Variants in LUZP2 observed in about 807,000 individuals in gnomAD.
LUZP2 encodes the protein leucine zipper protein 2.
A neutral mutation model predicts 51.6 loss-of-function variants in LUZP2; 52 were observed. The observed-to-expected ratio is 1.01, with a 90% CI of 0.81 to 1.27. The LOEUF is 1.27. Among genes scored for constraint, LUZP2 ranks in the 50% most tolerant of loss-of-function variants. LUZP2 has a pLI of 0.00. For synonymous variants in LUZP2, 154 were observed against 137.3 expected (o/e 1.12, Z -0.85); for missense variants, 436 against 395.4 (o/e 1.10, Z -0.87).
intron 4 of LUZP2, among the ~76,000 whole-genome samples, chr11:24,742,733 G>A (rs371047907): frequency 2.8e-4 from 42 of 151,792 alleles, no homozygotes; most frequent in South Asian, 4.2e-4. Context: ...TTTTTATTGC[G>A]TTTGCTTTTG....
In LUZP2 at chr11:24,694,074, A is replaced by G. The variant is rs114274507; in HGVS notation, c.63-35095A>G. Among the ~76,000 whole-genome samples the G allele has an allele frequency of 7.3e-3, 1,105 of 152,164 alleles. 16 individuals are homozygous for G. Among genetic ancestry groups the G allele is most frequent in the African/African-American group, 0.025 (1,059 of 41,550 alleles). Reference sequence around the variant, plus strand: ...GTGGCCATAAAATAAGGAAATCTCAATTATTTCTGTTTCTTTTCAAAACTT... The same window carrying G: ...GTGGCCATAAAATAAGGAAATCTCAGTTATTTCTGTTTCTTTTCAAAACTT... On this transcript the variant is annotated intron_variant, in intron 1 of 11. Coordinates refer to ENST00000336930, the MANE Select transcript of LUZP2 (RefSeq NM_001009909.4).
At chr11:24,837,616 C>A (rs1170650108) in intron 5 of LUZP2, among the ~76,000 whole-genome samples, 1 of 151,624 alleles carries the variant, frequency 6.6e-6, no homozygotes, top group Non-Finnish European at 1.5e-5. Context: ...TGGTTTCTTT[C>A]ACATTGGATA....
chr11:24,786,394 G>A, intron 5 of LUZP2: 1 of 981,978 alleles, frequency 1.0e-6, no homozygotes, highest in Non-Finnish European at 1.2e-6. Flanking sequence ...AATATGGGAT[G>A]TTTTTCTTTC....
chr11:24,698,521 T>C (rs754599479), intron 1 of LUZP2, among the ~76,000 whole-genome samples: 3 of 152,206 alleles, frequency 2.0e-5, no homozygotes, highest in Non-Finnish European at 4.4e-5. Flanking sequence ...TTGATCTCTC[T>C]TGTTTAAAAT....
intron 1 of LUZP2, among the ~76,000 whole-genome samples, chr11:24,551,744 A>G (rs1851730617): frequency 6.6e-6 from 1 of 152,090 alleles, no homozygotes; most frequent in African/African-American, 2.4e-5. Context: ...GGTATGGAAG[A>G]ATAAAGTAGG....
chr11:24,894,536 A>T (rs896572663), intron 5 of LUZP2, among the ~76,000 whole-genome samples: 12 of 150,948 alleles, frequency 7.9e-5, no homozygotes, highest in Non-Finnish European at 1.6e-4. Flanking sequence ...GTATGGGTAT[A>T]TTGTGTGATG....
chr11:24,593,640 C>T (rs1275694957), intron 1 of LUZP2, among the ~76,000 whole-genome samples: 2 of 152,166 alleles, frequency 1.3e-5, no homozygotes, highest in Non-Finnish European at 2.9e-5. Flanking sequence ...TTTAGTCACC[C>T]ACTGCAGCTT....
At chr11:24,785,200 CT>C (rs1849209085) in intron 5 of LUZP2, among the ~76,000 whole-genome samples, 2 of 152,052 alleles carry the variant, frequency 1.3e-5, no homozygotes, top group African/African-American at 4.8e-5. Flanking sequence ...GTACACATAT[CT>C]ATATTGTGGC....
At chr11:24,538,672 A>G (rs1035045229) in intron 1 of LUZP2, among the ~76,000 whole-genome samples, 4 of 150,962 alleles carry the variant, frequency 2.6e-5, no homozygotes, top group Non-Finnish European at 4.4e-5. Flanking sequence ...GTGTGTGTAT[A>G]TATATATATA....
At chr11:24,636,312 A>G (rs971851940) in intron 1 of LUZP2, among the ~76,000 whole-genome samples, 2 of 152,144 alleles carry the variant, frequency 1.3e-5, no homozygotes, top group African/African-American at 4.8e-5. Flanking sequence ...AACATTCCCT[A>G]TTCAAAACAA....
chr11:24,718,505 C>T (rs536421096), intron 1 of LUZP2, among the ~76,000 whole-genome samples: 1 of 152,236 alleles, frequency 6.6e-6, no homozygotes, highest in East Asian at 1.9e-4. Context: ...TTATCTAGCT[C>T]GTATGGCAAG....
intron 9 of LUZP2, among the ~76,000 whole-genome samples, chr11:25,048,453 G>A (rs1858388666): frequency 6.6e-6 from 1 of 152,126 alleles, no homozygotes; most frequent in Non-Finnish European, 1.5e-5. Context: ...AGTTACTTAT[G>A]TGAATAACAA....
intron 9 of LUZP2, among the ~76,000 whole-genome samples, chr11:25,015,538 T>A (rs1195866487): frequency 6.6e-6 from 1 of 152,176 alleles, no homozygotes; most frequent in Non-Finnish European, 1.5e-5. Context: ...TTGTTTTTCA[T>A]GGCCTGATAC....
chr11:25,063,498 C>T (rs576543905), intron 10 of LUZP2, among the ~76,000 whole-genome samples: 12 of 151,912 alleles, frequency 7.9e-5, no homozygotes, highest in Admixed American at 7.2e-4. Context: ...TCTGCTTCAG[C>T]ATGTTATAGC....
chr11:24,613,768 A>G (rs1045955258), intron 1 of LUZP2, among the ~76,000 whole-genome samples: 2 of 150,500 alleles, frequency 1.3e-5, no homozygotes, highest in African/African-American at 4.9e-5. Context: ...AGACATTAAA[A>G]GAGGATAATG....
At chr11:24,746,887 A>G (rs76383013) in intron 4 of LUZP2, among the ~76,000 whole-genome samples, 4 of 152,096 alleles carry the variant, frequency 2.6e-5, no homozygotes, top group African/African-American at 9.7e-5. Flanking sequence ...AGTATGTCCA[A>G]TGTTTCCTGA....
Position 24,780,448 on chromosome 11 carries a change from A to G in LUZP2, c.396+17140A>G, listed in dbSNP as rs1033314623. On this transcript the variant is annotated intron_variant, in intron 5 of 11. Coordinates refer to ENST00000336930, the MANE Select transcript of LUZP2 (RefSeq NM_001009909.4). ...TGTGGAAAAGACCTCTTAAACATGT[A>G]ATAAACTTATATGATAGTTGTATAA... Among the ~76,000 whole-genome samples, 28 of 152,272 alleles carry G rather than the reference A, an allele frequency of 1.8e-4. 1 individual carries two copies. The highest frequency in any genetic ancestry group is 6.3e-4 in the African/African-American group (26 of 41,556).
intron 5 of LUZP2, among the ~76,000 whole-genome samples, chr11:24,829,759 T>G (rs1850644244): frequency 1.3e-5 from 2 of 152,216 alleles, no homozygotes; most frequent in South Asian, 4.1e-4. Flanking sequence ...TGTGAGGTTC[T>G]AGAGAGTATG....
chr11:24,595,150 T>C (rs1395942620), intron 1 of LUZP2, among the ~76,000 whole-genome samples: 1 of 146,832 alleles, frequency 6.8e-6, no homozygotes, highest in East Asian at 2.0e-4. Flanking sequence ...TTAATCTTTG[T>C]CAATATATAA....
Sources: allele counts gnomAD v4.1 joint callset (sites outside exome capture counted in the v4.1 genomes callset), GRCh38; gene constraint gnomAD v4.1.1; transcripts MANE v1.5; gene names NCBI Gene and HGNC (gene_info 2026-07-23, HGNC 2026-07-21).